The following NRXN3 variants were observed in gnomAD, a reference collection of about 807,000 sequenced individuals.
NRXN3 encodes neurexin 3.
Under a neutral mutation model 137.6 loss-of-function variants are expected in NRXN3, and 32 were observed. The ratio of observed to expected loss-of-function variants is 0.23; its 90% CI spans 0.18 to 0.31. NRXN3 has a LOEUF of 0.31. Among genes scored for constraint, NRXN3 ranks in the 10% least tolerant of loss-of-function variants. The pLI is 1.00. For synonymous variants in NRXN3, 798 were observed against 784.5 expected, an observed-to-expected ratio of 1.02 and a Z score of -0.29; for missense variants, 1,574 against 2,062.5, an observed-to-expected ratio of 0.76 and a Z score of 4.59.
At chr14:79,374,227 A>T (rs773525307) in intron 15 of NRXN3, among the ~76,000 whole-genome samples, 1 of 152,170 alleles carries the variant, frequency 6.6e-6, no homozygotes, top group Non-Finnish European at 1.5e-5. Context: ...AAATTAACTC[A>T]TAAGCTCCCG....
chr14:78,482,508 G>A (rs2095490102), intron 4 of NRXN3, among the ~76,000 whole-genome samples: 2 of 152,192 alleles, frequency 1.3e-5, no homozygotes, highest in South Asian at 4.1e-4. Flanking sequence ...AATGCAGTCA[G>A]GACGTAGCGG....
intron 8 of NRXN3, among the ~76,000 whole-genome samples, chr14:78,754,357 A>C (rs1201082341): frequency 6.6e-6 from 1 of 152,058 alleles, no homozygotes; most frequent in African/African-American, 2.4e-5. Flanking sequence ...CCCACCCCAC[A>C]CCGTTCTCCT....
At chr14:78,911,968 G>A (rs904283212) in intron 10 of NRXN3, among the ~76,000 whole-genome samples, 4 of 151,328 alleles carry the variant, frequency 2.6e-5, no homozygotes, top group African/African-American at 7.3e-5. Context: ...TGTGCACAAC[G>A]TGCAGGTTTG....
At chr14:79,424,434 T>C (rs759739184) in intron 15 of NRXN3, among the ~76,000 whole-genome samples, 12 of 152,224 alleles carry the variant, frequency 7.9e-5, no homozygotes, top group Non-Finnish European at 1.6e-4. Context: ...ATAATAATTA[T>C]GAATAACATT....
intron 17 of NRXN3, among the ~76,000 whole-genome samples, chr14:79,689,583 A>AACTT (rs2098708677): frequency 6.6e-6 from 1 of 152,078 alleles, no homozygotes; most frequent in Non-Finnish European, 1.5e-5. Context: ...TGGTGTGGAA[A>AACTT]ACTTAAAACT....
At chr14:79,190,834 G>A (rs570656224) in intron 15 of NRXN3, among the ~76,000 whole-genome samples, 1 of 152,222 alleles carries the variant, frequency 6.6e-6, no homozygotes, top group Non-Finnish European at 1.5e-5. Context: ...TTAAGAAGGA[G>A]AACATATAGG....
intron 16 of NRXN3, among the ~76,000 whole-genome samples, chr14:79,604,831 A>C (rs2097981918): frequency 6.6e-6 from 1 of 151,866 alleles, no homozygotes; most frequent in African/African-American, 2.4e-5. Context: ...CAGGAGTTTG[A>C]GACCAGCCTG....
At chr14:79,636,004 T>A (rs1201370603) in intron 16 of NRXN3, among the ~76,000 whole-genome samples, 11 of 151,822 alleles carry the variant, frequency 7.2e-5, no homozygotes, top group Admixed American at 7.2e-4. Context: ...CCATGACATG[T>A]AGGGATTATG....
At chr14:78,244,821 G>C (rs1230534494) in intron 2 of NRXN3, among the ~76,000 whole-genome samples, 1 of 152,218 alleles carries the variant, frequency 6.6e-6, no homozygotes, top group East Asian at 1.9e-4. Flanking sequence ...CTCCAAGGGA[G>C]CTGAGAGTAT....
Position 79,184,171 on chromosome 14 carries a change from G to A in NRXN3, c.3262+196030G>A, listed in dbSNP as rs146625945. 6.0e-3 allele frequency among the ~76,000 whole-genome samples: 906 copies of A among 152,224 alleles called. 44 individuals carry two copies. Among genetic ancestry groups the A allele is most frequent in the Admixed American group, 0.052 (795 of 15,276 alleles). The stretch of plus-strand genomic sequence containing the variant: ...TGATTAGAAAGCTCCTGCAATGTAA[G>A]CTCATTAATGAAACCATTTTGGCAG... On this transcript the variant is annotated intron_variant, in intron 15 of 20. Coordinates refer to ENST00000335750, the MANE Select transcript of NRXN3 (RefSeq NM_001330195.2).
intron 16 of NRXN3, among the ~76,000 whole-genome samples, chr14:79,598,568 A>C (rs1005882270): frequency 6.6e-6 from 1 of 152,214 alleles, no homozygotes; most frequent in Non-Finnish European, 1.5e-5. Context: ...TGTTACTAAT[A>C]GCTGTGGAAG....
rs564860264 is a variant in NRXN3, at chr14:79,344,644, A to G, written c.3263-122577A>G. Among the ~76,000 whole-genome samples, 3 of 152,294 alleles carry G rather than the reference A, an allele frequency of 2.0e-5. No homozygotes were observed. In the East Asian group the frequency reaches 5.8e-4, roughly 29 times the overall value. On this transcript the variant is annotated intron_variant, in intron 15 of 20. Transcript: ENST00000335750. ...TGACTTTTTTATTCCTAAATGTATC[A>G]TGTTTTTAGATGTGTAAAAATAAGA...
intron 1 of NRXN3, among the ~76,000 whole-genome samples, chr14:78,190,632 TTTATTTATTTATTTATTTATTTAC>T (rs1215250841): frequency 1.3e-3 from 138 of 104,192 alleles, no homozygotes; most frequent in Middle Eastern, 4.9e-3. Flanking sequence ...TATTTATTTA[TTTATTTATTTATTTATTTATTTAC>T]TTACTTACTT....
At chr14:79,273,589 G>A (rs1015085175) in intron 15 of NRXN3, among the ~76,000 whole-genome samples, 16 of 151,978 alleles carry the variant, frequency 1.1e-4, no homozygotes, top group Admixed American at 2.0e-4. Flanking sequence ...AGCCAAGATC[G>A]CGCCACTGCA....
intron 10 of NRXN3, among the ~76,000 whole-genome samples, chr14:78,898,243 G>T (rs73323318): frequency 0.016 from 2,379 of 151,956 alleles, 56 homozygotes; most frequent in African/African-American, 0.055. Context: ...CAAGCTAATT[G>T]GTACCCCTTG....
At chr14:79,482,918 A>G (rs1001178547) in intron 16 of NRXN3, among the ~76,000 whole-genome samples, 6 of 152,154 alleles carry the variant, frequency 3.9e-5, no homozygotes, top group African/African-American at 7.2e-5. Context: ...CCCTTTACTT[A>G]ACTGAATGCT....
intron 10 of NRXN3, among the ~76,000 whole-genome samples, chr14:78,918,276 A>C (rs1240096160): frequency 7.8e-6 from 1 of 127,594 alleles, no homozygotes; most frequent in African/African-American, 3.3e-5. Context: ...CAAGAGCGAA[A>C]CTCCATCTCA....
intron 10 of NRXN3, among the ~76,000 whole-genome samples, chr14:78,925,061 A>G (rs2099282554): frequency 6.6e-6 from 1 of 152,248 alleles, no homozygotes; most frequent in Non-Finnish European, 1.5e-5. Flanking sequence ...AGATTTCATT[A>G]GACGGAGAGC....
At chr14:78,558,790 A>G (rs2096761293) in intron 4 of NRXN3, among the ~76,000 whole-genome samples, 1 of 152,216 alleles carries the variant, frequency 6.6e-6, no homozygotes, top group African/African-American at 2.4e-5. Flanking sequence ...AAATTATATC[A>G]TCTATTATGG....
Sources: allele counts gnomAD v4.1 joint callset (sites outside exome capture counted in the v4.1 genomes callset), GRCh38; gene constraint gnomAD v4.1.1; transcripts MANE v1.5; gene names NCBI Gene and HGNC (gene_info 2026-07-23, HGNC 2026-07-21).